EYS: variants seen among roughly 807,000 people sequenced by gnomAD.
EYS encodes protein eyes shut homolog.
A neutral mutation model predicts 282.1 loss-of-function variants in EYS; 250 were observed. That is an observed-to-expected ratio of 0.89 (90% CI 0.80 to 0.98). EYS has a LOEUF of 0.98. EYS is among the 50% of genes least tolerant of loss of function. EYS has a pLI of 0.00. For missense variants in EYS, 4,016 were observed against 3,709.0 expected, an observed-to-expected ratio of 1.08 and a Z score of -2.15; for synonymous variants, 1,355 against 1,282.9, an observed-to-expected ratio of 1.06 and a Z score of -1.20.
intron 30 of EYS, among the ~76,000 whole-genome samples, chr6:64,250,856 T>C (rs1767186856): frequency 1.3e-5 from 2 of 152,174 alleles, no homozygotes; most frequent in African/African-American, 2.4e-5. Context: ...TTTTTAGACG[T>C]GTTGGCATAC....
chr6:63,967,325 G>A (rs1305230876), intron 35 of EYS, among the ~76,000 whole-genome samples: 1 of 152,176 alleles, frequency 6.6e-6, no homozygotes, highest in Non-Finnish European at 1.5e-5. Context: ...TGTTTGGACT[G>A]CAGTTGACTG....
At chr6:65,465,193 G>A (rs1253069732) in intron 5 of EYS, among the ~76,000 whole-genome samples, 1 of 152,112 alleles carries the variant, frequency 6.6e-6, no homozygotes, top group African/African-American at 2.4e-5. Flanking sequence ...ACCAGTTGTG[G>A]TGCTTCACGT....
chr6:65,482,389 G>T (rs1006278687), intron 5 of EYS, among the ~76,000 whole-genome samples: 1 of 152,138 alleles, frequency 6.6e-6, no homozygotes, highest in Non-Finnish European at 1.5e-5. Context: ...ACTTATGAGA[G>T]CAAGGACTAG....
intron 22 of EYS, among the ~76,000 whole-genome samples, chr6:64,734,757 C>T (rs534706290): frequency 2.0e-4 from 31 of 152,158 alleles, no homozygotes; most frequent in Admixed American, 8.5e-4. Flanking sequence ...AATGTTCACA[C>T]GGACAGGAAG....
At chr6:64,348,325 T>C (rs1771487326) in intron 29 of EYS, among the ~76,000 whole-genome samples, 1 of 151,492 alleles carries the variant, frequency 6.6e-6, no homozygotes, top group Non-Finnish European at 1.5e-5. Context: ...CATATTTACA[T>C]ATGTAAGGTC....
intron 13 of EYS, among the ~76,000 whole-genome samples, chr6:65,025,331 C>T (rs1462255076): frequency 6.6e-6 from 1 of 152,104 alleles, no homozygotes; most frequent in Non-Finnish European, 1.5e-5. Context: ...GCAAAATGCA[C>T]ATATCATGTC....
chr6:64,944,614 C>T (rs978188030), intron 15 of EYS, among the ~76,000 whole-genome samples: 5 of 152,030 alleles, frequency 3.3e-5, no homozygotes, highest in African/African-American at 1.2e-4. Context: ...TGAGAAAGAC[C>T]TGACCGTCCC....
chr6:64,237,746 A>T (rs1766660066), intron 30 of EYS, among the ~76,000 whole-genome samples: 1 of 152,206 alleles, frequency 6.6e-6, no homozygotes, highest in South Asian at 2.1e-4. Flanking sequence ...TTTTAGTTTG[A>T]TTAATAACTT....
At chr6:64,355,089 T>G (rs1243059993) in intron 29 of EYS, among the ~76,000 whole-genome samples, 2 of 151,598 alleles carry the variant, frequency 1.3e-5, no homozygotes, top group East Asian at 3.9e-4. Context: ...GTAAAAATAC[T>G]CATGAAATAA....
chr6:65,452,239 T>A (rs567008202), intron 5 of EYS, among the ~76,000 whole-genome samples: 74 of 151,920 alleles, frequency 4.9e-4, no homozygotes, highest in Non-Finnish European at 8.6e-4. Flanking sequence ...ATTTAAGGGA[T>A]ATTTTTATCA....
At chr6:64,159,559 TAAAAAAA>T (rs35139594) in intron 31 of EYS, among the ~76,000 whole-genome samples, 29 of 59,944 alleles carry the variant, frequency 4.8e-4, no homozygotes, top group African/African-American at 1.6e-3. Context: ...GACTCTGTCT[TAAAAAAA>T]AAAAAAAAAA....
intron 31 of EYS, among the ~76,000 whole-genome samples, chr6:64,105,387 A>G (rs74325544): frequency 0.042 from 6,413 of 152,148 alleles, 399 homozygotes; most frequent in African/African-American, 0.14. Context: ...ACACATGTAC[A>G]ACCTTCTCCA....
Position 64,591,644 on chromosome 6 carries a change from G to A in EYS, c.4223C>T (p.Ser1408Phe). Residue 1408 changes from serine (S) to phenylalanine (F), a missense_variant, in exon 26 of 43, where the codon TCT becomes TTT. Transcript: ENST00000503581. The stretch of plus-strand genomic sequence containing the variant: ...AGTCTGACAGTTCTCAAATAATAAA[G>A]ATTGTGTAGGAAAAATAAAATCTGA... ...LMSDFIFPTQ[S>F]LLFENCQTVA... The A allele has an allele frequency of 6.4e-6, 10 of 1,551,226 alleles. No homozygotes were observed. Among genetic ancestry groups the A allele is most frequent in the Non-Finnish European group, 7.8e-6 (9 of 1,146,728 alleles).
intron 35 of EYS, among the ~76,000 whole-genome samples, chr6:63,882,932 G>C (rs530026466): frequency 6.6e-6 from 1 of 152,282 alleles, no homozygotes; most frequent in East Asian, 1.9e-4. Flanking sequence ...AAACTATACA[G>C]AGGCTAGATC....
In EYS at chr6:64,132,492, T is replaced by C. The variant is rs540155609; in HGVS notation, c.6425-50490A>G. Among the ~76,000 whole-genome samples, 3 of 151,984 alleles carry C rather than the reference T, an allele frequency of 2.0e-5. 1 individual carries two copies. The highest frequency in any genetic ancestry group is 1.5e-5 in the Non-Finnish European group (1 of 67,912). On this transcript the variant is annotated intron_variant, in intron 31 of 42. Transcript: ENST00000503581. Reference sequence around the variant, plus strand: ...GAATCTCTTTTCTTGCAAGAGTTCATGTGTGCCTTTTCTTCTTTGAAAAGA... The same window carrying C: ...GAATCTCTTTTCTTGCAAGAGTTCACGTGTGCCTTTTCTTCTTTGAAAAGA...
chr6:63,790,612 A>G (rs1485070633), intron 37 of EYS, among the ~76,000 whole-genome samples: 1 of 152,192 alleles, frequency 6.6e-6, no homozygotes, highest in East Asian at 1.9e-4. Flanking sequence ...TGGGTTGTAT[A>G]TTTAAAACGG....
intron 26 of EYS, among the ~76,000 whole-genome samples, chr6:64,532,770 A>C (rs1478923624): frequency 2.0e-5 from 3 of 152,106 alleles, no homozygotes; most frequent in Non-Finnish European, 2.9e-5. Flanking sequence ...TATTTACTAC[A>C]ATGTTTGTGA....
intron 15 of EYS, among the ~76,000 whole-genome samples, chr6:64,934,007 G>T (rs982742068): frequency 2.0e-5 from 3 of 151,872 alleles, no homozygotes; most frequent in Non-Finnish European, 4.4e-5. Context: ...GATAGCATTA[G>T]AAGAAATACC....
chr6:64,408,574 C>T (rs556877519), intron 28 of EYS, among the ~76,000 whole-genome samples: 1 of 152,224 alleles, frequency 6.6e-6, no homozygotes, highest in African/African-American at 2.4e-5. Context: ...GGGTATTCTC[C>T]TAAAACTGAG....
Sources: allele counts gnomAD v4.1 joint callset (sites outside exome capture counted in the v4.1 genomes callset), GRCh38; gene constraint gnomAD v4.1.1; transcripts MANE v1.5; gene names NCBI Gene and HGNC (gene_info 2026-07-23, HGNC 2026-07-21).